NT5DC1: variants seen among roughly 807,000 people sequenced by gnomAD.
NT5DC1 encodes the protein 5'-nucleotidase domain-containing protein 1.
A neutral mutation model predicts 59.4 loss-of-function variants in NT5DC1; 42 were observed. The ratio of observed to expected loss-of-function variants is 0.71; its 90% CI spans 0.55 to 0.92. The LOEUF (loss-of-function observed/expected upper bound fraction) is 0.92, where lower values mean the gene tolerates loss of function less well. Ranked by LOEUF, NT5DC1 falls within the 40% of genes least tolerant of loss-of-function variation. NT5DC1 has a pLI of 0.00. For missense variants in NT5DC1, 501 were observed against 537.1 expected, an observed-to-expected ratio of 0.93 and a Z score of 0.66; for synonymous variants, 172 against 188.1, an observed-to-expected ratio of 0.91 and a Z score of 0.70.
At chr6:116,196,169 A>T (rs1781223685) in intron 6 of NT5DC1, among the ~76,000 whole-genome samples, 1 of 151,842 alleles carries the variant, frequency 6.6e-6, no homozygotes, top group Non-Finnish European at 1.5e-5. Flanking sequence ...TATTACTCCT[A>T]CTCCATAAGC....
intron 6 of NT5DC1, among the ~76,000 whole-genome samples, chr6:116,140,022 A>T (rs1779725517): frequency 6.6e-6 from 1 of 152,156 alleles, no homozygotes; most frequent in South Asian, 2.1e-4. Flanking sequence ...GATAGATATT[A>T]CCACTGTTAT....
chr6:116,238,274 C>T lies in NT5DC1; in HGVS notation c.1009C>T (p.Leu337Phe). 6.2e-7 allele frequency: 1 copy of T among 1,613,208 alleles called. No homozygotes were observed. The highest frequency in any genetic ancestry group is 2.2e-5 in the East Asian group (1 of 44,840). ...GGAGACAGTCCTCATCCTGGAAGAA[C>T]TCAGAGGGGATGAAGGCACGAGGAG... ...NWETVLILEELRGDEGTRSQR... is the reference protein window; with the variant it reads ...NWETVLILEEFRGDEGTRSQR... Residue 337 changes from leucine (L) to phenylalanine (F), a missense_variant, in exon 10 of 12, where the codon CTC (leucine) becomes TTC (phenylalanine). Transcript: ENST00000319550.
In NT5DC1 at chr6:116,117,912, A is replaced by G. The variant is rs1778999570; in HGVS notation, c.496A>G (p.Ile166Val). 6.3e-7 allele frequency: 1 copy of G among 1,580,790 alleles called. No individual in the cohort carries two copies. Among genetic ancestry groups the G allele is most frequent in the East Asian group, 2.2e-5 (1 of 44,644 alleles). Residue 166 changes from isoleucine (I) to valine (V), a missense_variant, in exon 6 of 12, where the codon ATA becomes GTA. Coordinates refer to ENST00000319550, the MANE Select transcript of NT5DC1 (RefSeq NM_152729.3). ...FDFWKDIVAAIQHNYKMSAFK... is the reference protein window; with the variant it reads ...FDFWKDIVAAVQHNYKMSAFK... The stretch of plus-strand genomic sequence containing the variant: ...TTTTTGGAAGGATATAGTTGCTGCT[A>G]TACAACACAATTATAAAATGTCAGC...
chr6:116,119,157 T>C (rs1290966643), intron 6 of NT5DC1: 2 of 152,640 alleles, frequency 1.3e-5, no homozygotes, highest in Admixed American at 6.5e-5. Flanking sequence ...ATAAATAATA[T>C]ATCTCCACTT....
chr6:116,201,646 T>G (rs1582870475), intron 6 of NT5DC1, among the ~76,000 whole-genome samples: 1 of 152,116 alleles, frequency 6.6e-6, no homozygotes, highest in East Asian at 1.9e-4. Context: ...TTAGGCTTGT[T>G]TGACATCCCT....
At chr6:116,223,382 C>G (rs1038831479) in intron 8 of NT5DC1, among the ~76,000 whole-genome samples, 4 of 152,172 alleles carry the variant, frequency 2.6e-5, no homozygotes, top group Non-Finnish European at 5.9e-5. Flanking sequence ...TAAATAAATG[C>G]CTCGATAAAT....
chr6:116,238,454 A>G lies in NT5DC1; in HGVS notation c.1083+106A>G, dbSNP rs183218318. ...CAAAATTGTCCTGGTCAGGCTGAAT[A>G]CCATCATGTTAAAAAAAAAAAAAAA... is the stretch of plus-strand genomic sequence containing the variant. On this transcript the variant is annotated intron_variant, in intron 10 of 11. Transcript: ENST00000319550. 100 of 485,424 alleles carry G rather than the reference A, an allele frequency of 2.1e-4. No homozygotes were observed. In the Admixed American group the frequency reaches 3.4e-3, roughly 17 times the overall value. 30.1% of individuals were successfully genotyped at this position (485,424 alleles called of 1,614,324 possible).
chr6:116,136,199 T>A (rs1779596931), intron 6 of NT5DC1, among the ~76,000 whole-genome samples: 1 of 152,158 alleles, frequency 6.6e-6, no homozygotes, highest in Non-Finnish European at 1.5e-5. Context: ...TTTGTCCTTC[T>A]GTGTCTGGTG....
chr6:116,230,013 A>G (rs754010336), intron 8 of NT5DC1, among the ~76,000 whole-genome samples: 1 of 152,178 alleles, frequency 6.6e-6, no homozygotes, highest in African/African-American at 2.4e-5. Flanking sequence ...TGTATTCTTT[A>G]CTTAACCATC....
intron 4 of NT5DC1, among the ~76,000 whole-genome samples, chr6:116,112,402 G>A (rs564107871): frequency 2.6e-5 from 4 of 152,232 alleles, no homozygotes; most frequent in South Asian, 4.1e-4. Flanking sequence ...GTTTGTTTAC[G>A]TTAAATATTA....
chr6:116,226,395 C>T (rs936071162), intron 8 of NT5DC1, among the ~76,000 whole-genome samples: 11 of 151,652 alleles, frequency 7.3e-5, no homozygotes, highest in Admixed American at 4.6e-4. Flanking sequence ...GAAAACTGCA[C>T]GTTAAAAATA....
intron 6 of NT5DC1, among the ~76,000 whole-genome samples, chr6:116,190,875 G>T (rs1208093819): frequency 2.6e-5 from 4 of 152,094 alleles, no homozygotes; most frequent in Admixed American, 2.0e-4. Context: ...GTTCTGTGTG[G>T]TGCTTCTACA....
intron 6 of NT5DC1, among the ~76,000 whole-genome samples, chr6:116,167,436 TCTC>T (rs1294770324): frequency 6.6e-6 from 1 of 152,028 alleles, no homozygotes; most frequent in Non-Finnish European, 1.5e-5. Context: ...ATGGTCTCAA[TCTC>T]CTGGCCTTGT....
intron 6 of NT5DC1, among the ~76,000 whole-genome samples, chr6:116,173,880 G>A (rs1211662333): frequency 6.6e-6 from 1 of 152,086 alleles, no homozygotes; most frequent in Admixed American, 6.6e-5. Context: ...GCTTCTACCA[G>A]TTTTTATACT....
chr6:116,125,554 A>G lies in NT5DC1; in HGVS notation c.529+7609A>G. 2.6e-6 allele frequency: 4 copies of G among 1,551,778 alleles called. No homozygotes were observed. The East Asian group carries it at 6.8e-5, about 26-fold the overall frequency. The stretch of plus-strand genomic sequence containing the variant: ...CTTTATACAGCATTGTTATTAACCT[A>G]TTTTTTTATTCTCATGTTTCACAGA... On this transcript the variant is annotated intron_variant, in intron 6 of 11. Coordinates refer to ENST00000319550, the MANE Select transcript of NT5DC1 (RefSeq NM_152729.3).
intron 6 of NT5DC1, among the ~76,000 whole-genome samples, chr6:116,182,950 A>T (rs1780920563): frequency 6.6e-6 from 1 of 152,124 alleles, no homozygotes; most frequent in South Asian, 2.1e-4. Context: ...GTCTTTGCCT[A>T]AACCAGTGTC....
chr6:116,131,070 A>C (rs1269652668), intron 6 of NT5DC1, among the ~76,000 whole-genome samples: 1 of 152,070 alleles, frequency 6.6e-6, no homozygotes, highest in African/African-American at 2.4e-5. Flanking sequence ...AATTTGTTTT[A>C]TACTTTCATA....
intron 6 of NT5DC1, among the ~76,000 whole-genome samples, chr6:116,159,268 G>A (rs1400182473): frequency 6.6e-6 from 1 of 151,832 alleles, no homozygotes; most frequent in Non-Finnish European, 1.5e-5. Flanking sequence ...CACCGTATGA[G>A]GTTTATTCTT....
intron 6 of NT5DC1, chr6:116,122,062 A>C (rs1439099573): frequency 1.6e-5 from 16 of 1,007,104 alleles, no homozygotes; most frequent in Non-Finnish European, 2.5e-5. Flanking sequence ...ACGATATTTC[A>C]GCATCATTTA....
Sources: gnomAD v4.1 joint callset for allele counts (sites outside exome capture counted in the v4.1 genomes callset) on GRCh38, gnomAD v4.1.1 for gene constraint, MANE v1.5 for transcripts, NCBI Gene and HGNC (gene_info 2026-07-23, HGNC 2026-07-21) for gene names.